FAM13C: variants seen among roughly 807,000 people sequenced by gnomAD.
FAM13C encodes protein FAM13C.
Under a neutral mutation model 73.2 loss-of-function variants are expected in FAM13C, and 37 were observed. The observed-to-expected ratio is 0.51, with a 90% CI of 0.39 to 0.67. FAM13C has a LOEUF of 0.67. FAM13C is among the 30% of genes least tolerant of loss of function. The pLI is 0.00. For missense variants in FAM13C, 589 were observed against 715.6 expected (o/e 0.82, Z 2.02); for synonymous variants, 246 against 260.9 (o/e 0.94, Z 0.55).
At chr10:59,332,656 T>C (rs1376686261) in intron 3 of FAM13C, among the ~76,000 whole-genome samples, 7 of 152,376 alleles carry the variant, frequency 4.6e-5, no homozygotes, top group Non-Finnish European at 5.9e-5. Context: ...CTGTTCCTTA[T>C]GTTCTACTTG....
At chr10:59,340,519 C>T (rs751400) in intron 3 of FAM13C, among the ~76,000 whole-genome samples, 106,937 of 151,892 alleles carry the variant, frequency 0.7, 38,256 homozygotes, top group East Asian at 0.83. Flanking sequence ...GACTCTAACA[C>T]CCAGACCCTT....
At chr10:59,266,495 A>T (rs913573839) in intron 8 of FAM13C, among the ~76,000 whole-genome samples, 1 of 152,174 alleles carries the variant, frequency 6.6e-6, no homozygotes, top group Non-Finnish European at 1.5e-5. Flanking sequence ...GCCCACTGAC[A>T]TGTCAAACCT....
chr10:59,253,603 T>C (rs1841625599), intron 11 of FAM13C: 1 of 152,480 alleles, frequency 6.6e-6, no homozygotes, highest in East Asian at 1.9e-4. Context: ...AAATTATGCT[T>C]CCATAAAGGG....
chr10:59,311,647 T>A lies in FAM13C; in HGVS notation c.444-8783A>T, dbSNP rs1347255909. On this transcript the variant is annotated intron_variant, in intron 4 of 13. Coordinates refer to ENST00000618804, the MANE Select transcript of FAM13C (RefSeq NM_198215.4). ...GTTTCTTCATTCTTCTGCCTCAAAG[T>A]TTTTTGCCAGACAGGGCTCATTCCC... Among the ~76,000 whole-genome samples the A allele has an allele frequency of 2.0e-5, 3 of 152,240 alleles. No homozygotes were observed. The East Asian group carries it at 5.8e-4, about 29-fold the overall frequency.
chr10:59,280,462 GCCTC>G (rs1844802243), intron 6 of FAM13C, among the ~76,000 whole-genome samples: 1 of 152,232 alleles, frequency 6.6e-6, no homozygotes, highest in Non-Finnish European at 1.5e-5. Flanking sequence ...TGATCTGTGA[GCCTC>G]TTCCCGTTGG....
intron 11 of FAM13C, 56 bp downstream of exon 11, chr10:59,254,292 C>T: frequency 8.7e-7 from 1 of 1,152,896 alleles, no homozygotes; most frequent in Non-Finnish European, 1.2e-6. Flanking sequence ...TACTATGTGA[C>T]ATCCTGTTAA....
chr10:59,298,230 C>G (rs1847148323), intron 5 of FAM13C, among the ~76,000 whole-genome samples: 1 of 152,140 alleles, frequency 6.6e-6, no homozygotes, highest in African/African-American at 2.4e-5. Context: ...GCCTCAAAGA[C>G]AAGGGAAATA....
chr10:59,268,411 C>G lies in FAM13C; in HGVS notation c.942+142G>C, dbSNP rs897361135. 9.2e-6 allele frequency: 9 copies of G among 979,108 alleles called. No individual in the cohort carries two copies. In the African/African-American group the frequency reaches 9.8e-5, roughly 11 times the overall value. 60.7% of individuals were successfully genotyped at this position (979,108 alleles called of 1,614,324 possible). On this transcript the variant is annotated intron_variant, in intron 8 of 13. Coordinates refer to ENST00000618804, the MANE Select transcript of FAM13C (RefSeq NM_198215.4). ...GAACAAGACAGATAGAAGATGAAGACTCTATGATAGGTCCAGGTTGGCCCA... is the reference window on the plus strand; with the variant it reads ...GAACAAGACAGATAGAAGATGAAGAGTCTATGATAGGTCCAGGTTGGCCCA...
intron 10 of FAM13C, 57 bp from the exon 11 acceptor site, chr10:59,254,500 C>T (rs2133387797): frequency 9.9e-7 from 1 of 1,014,354 alleles, no homozygotes; most frequent in Admixed American, 2.8e-5. Flanking sequence ...AAAACGTCAA[C>T]ATTTTTAGCA....
chr10:59,268,715 G>C (rs1010886834), intron 7 of FAM13C, 24 bp from the exon 8 acceptor site: 1 of 1,604,962 alleles, frequency 6.2e-7, no homozygotes, highest in Non-Finnish European at 8.5e-7. Flanking sequence ...AAGGAGGAAG[G>C]AGTATCAAAA....
chr10:59,336,744 T>C (rs1852773369), intron 3 of FAM13C, among the ~76,000 whole-genome samples: 1 of 152,152 alleles, frequency 6.6e-6, no homozygotes, highest in Admixed American at 6.5e-5. Flanking sequence ...TATAGGGAGA[T>C]TTCAAAGAAA....
intron 3 of FAM13C, among the ~76,000 whole-genome samples, chr10:59,341,569 A>G (rs1178773928): frequency 6.6e-6 from 1 of 152,098 alleles, no homozygotes; most frequent in Non-Finnish European, 1.5e-5. Context: ...CATGCCTGTA[A>G]TCCCAGCTAC....
chr10:59,324,317 T>A (rs1296823884), intron 3 of FAM13C, among the ~76,000 whole-genome samples: 7 of 151,944 alleles, frequency 4.6e-5, no homozygotes, highest in Non-Finnish European at 1.0e-4. Context: ...AAGACAAAAA[T>A]CATAATAATA....
rs1193988937 is a variant in FAM13C at position 59,246,955 on chromosome 10, A to G, written c.*659T>C. On this transcript the variant is annotated 3_prime_UTR_variant, in exon 14 of 14. Transcript: ENST00000618804. ...TATAGACAAAGATAATAATTCACAA[A>G]GTACATGCTATCAGAATGAACTTTG... The G allele has an allele frequency of 8.5e-6, 2 of 235,746 alleles. No individual in the cohort carries two copies. Among genetic ancestry groups the G allele is most frequent in the Non-Finnish European group, 1.6e-5 (2 of 123,868 alleles). The allele number at this position is 235,746 out of a possible 1,614,324, so 14.6% of individuals were successfully genotyped here. A position where few individuals can be genotyped will look rare whatever the true frequency, so the allele number is the denominator to read the frequency against.
At chr10:59,334,268 C>A (rs956022188) in intron 3 of FAM13C, among the ~76,000 whole-genome samples, 3 of 152,086 alleles carry the variant, frequency 2.0e-5, no homozygotes, top group Non-Finnish European at 2.9e-5. Context: ...AAATTAACAA[C>A]TATAATAAAG....
At chr10:59,260,243 C>G (rs1388052722) in intron 10 of FAM13C, among the ~76,000 whole-genome samples, 1 of 152,178 alleles carries the variant, frequency 6.6e-6, no homozygotes, top group Non-Finnish European at 1.5e-5. Flanking sequence ...GATGTATCCT[C>G]CACTTAGCAA....
intron 5 of FAM13C, among the ~76,000 whole-genome samples, chr10:59,286,783 C>A (rs1845620544): frequency 6.6e-6 from 1 of 151,398 alleles, no homozygotes; most frequent in South Asian, 2.1e-4. Context: ...CCTGTAATCC[C>A]AGCACTTTGG....
chr10:59,328,502 C>G (rs960054252), intron 3 of FAM13C, among the ~76,000 whole-genome samples: 6 of 152,200 alleles, frequency 3.9e-5, no homozygotes, highest in Admixed American at 2.6e-4. Context: ...CAAAACAAAA[C>G]AAAACAAAAC....
chr10:59,362,552 G>C, upstream of FAM13C: 2 of 1,558,896 alleles, frequency 1.3e-6, no homozygotes, highest in East Asian at 2.4e-5. Context: ...AAGTCTCCGG[G>C]CTCGCCCGGC....
Sources: allele counts gnomAD v4.1 joint callset (sites outside exome capture counted in the v4.1 genomes callset), GRCh38; gene constraint gnomAD v4.1.1; transcripts MANE v1.5; gene names NCBI Gene and HGNC (gene_info 2026-07-23, HGNC 2026-07-21).